CCNB2: variants seen among roughly 807,000 people sequenced by gnomAD.
The protein encoded by CCNB2 is G2/mitotic-specific cyclin-B2.
Under a neutral mutation model 51.1 loss-of-function variants are expected in CCNB2, and 39 were observed. That is an observed-to-expected ratio of 0.76 (90% CI 0.59 to 1.00). CCNB2 has a LOEUF of 1.00. Ranked by LOEUF, CCNB2 falls within the 50% of genes least tolerant of loss-of-function variation. The pLI, the probability that CCNB2 is intolerant of heterozygous loss-of-function variation, is 0.00. For synonymous variants in CCNB2, 174 were observed against 165.5 expected, an observed-to-expected ratio of 1.05 and a Z score of -0.40; for missense variants, 472 against 470.3, an observed-to-expected ratio of 1.00 and a Z score of -0.03.
intron 6 of CCNB2, 108 bp from the exon 7 acceptor site, chr15:59,117,120 G>C: frequency 1.7e-6 from 2 of 1,179,532 alleles, no homozygotes; most frequent in Non-Finnish European, 2.5e-6. Flanking sequence ...TAATTCTTGA[G>C]AAGGATAAGT....
In CCNB2 at chr15:59,105,155, C is replaced by T. The variant is rs1302378401; in HGVS notation, c.-114C>T. On this transcript the variant is annotated 5_prime_UTR_variant, in exon 1 of 9. Transcript: ENST00000288207. The stretch of plus-strand genomic sequence containing the variant: ...ACAAGGCTACAGCGTCGAAGATCCC[C>T]AGCGCTGCGGGCTCGGAGAGCAGTC... 6.1e-6 allele frequency: 6 copies of T among 987,058 alleles called. No individual in the cohort carries two copies. The African/African-American group carries it at 6.5e-5, about 11-fold the overall frequency. 61.1% of individuals were successfully genotyped at this position (987,058 alleles called of 1,614,324 possible).
chr15:59,112,216 C>T (rs1037803981), intron 3 of CCNB2, among the ~76,000 whole-genome samples: 12 of 152,032 alleles, frequency 7.9e-5, no homozygotes, highest in Admixed American at 2.6e-4. Flanking sequence ...CCTGGTTCTT[C>T]CTCAGTTTAA....
In CCNB2 at chr15:59,105,153, C is replaced by G; in HGVS notation, c.-116C>G. 3.1e-6 allele frequency: 3 copies of G among 966,462 alleles called. No homozygotes were observed. In the South Asian group the frequency reaches 4.8e-5, roughly 15 times the overall value. 59.9% of individuals were successfully genotyped at this position (966,462 alleles called of 1,614,324 possible). ...GAACAAGGCTACAGCGTCGAAGATC[C>G]CCAGCGCTGCGGGCTCGGAGAGCAG... is the stretch of plus-strand genomic sequence containing the variant. On this transcript the variant is annotated 5_prime_UTR_variant, in exon 1 of 9. Coordinates refer to ENST00000288207, the MANE Select transcript of CCNB2 (RefSeq NM_004701.4).
Position 59,107,405 on chromosome 15 carries a change from A to T in CCNB2, c.108A>T (p.Glu36Asp), listed in dbSNP as rs2079240170. 1 of 1,613,998 alleles carries T rather than the reference A, an allele frequency of 6.2e-7. No individual in the cohort carries two copies. The highest frequency in any genetic ancestry group is 8.5e-7 in the Non-Finnish European group (1 of 1,180,032). ...TGACTATTAGGCGAACTGTTTTAGA[A>T]GAAATTGGAAATAGAGTTACAACCA... is the stretch of plus-strand genomic sequence containing the variant. ...SHVTIRRTVL[E>D]EIGNRVTTRA... Residue 36 changes from glutamate to aspartate, a missense_variant, in exon 2 of 9, where the codon GAA becomes GAT. By Grantham distance (45) the Glu-to-Asp change is conservative. Transcript: ENST00000288207.
At chr15:59,108,852 A>C (rs192246056) in intron 3 of CCNB2, among the ~76,000 whole-genome samples, 178 of 152,316 alleles carry the variant, frequency 1.2e-3, no homozygotes, top group Middle Eastern at 6.8e-3. Flanking sequence ...ATGAGAACTA[A>C]AGCTTAGAAA....
intron 5 of CCNB2, among the ~76,000 whole-genome samples, chr15:59,116,375 T>C (rs774843319): frequency 6.6e-5 from 10 of 152,330 alleles, no homozygotes; most frequent in Non-Finnish European, 1.0e-4. Flanking sequence ...TTCTTGGCAA[T>C]TGAATGATCT....
At chr15:59,117,455 C>G in intron 7 of CCNB2, 87 bp downstream of exon 7, 5 of 1,350,212 alleles carry the variant, frequency 3.7e-6, no homozygotes, top group Middle Eastern at 2.3e-4. Flanking sequence ...ACAACACTAT[C>G]CTTGAAGCAG....
rs949452477 is a variant in CCNB2 at position 59,115,059 on chromosome 15, G to C, written c.597+183G>C. Among the ~76,000 whole-genome samples, 37 of 152,316 alleles carry C rather than the reference G, an allele frequency of 2.4e-4. 1 individual carries two copies. The highest frequency in any genetic ancestry group is 1.7e-3 in the Admixed American group (26 of 15,300). Reference sequence around the variant, plus strand: ...AGTGTGTCAAGCCTTTGATGATGCGGACCAATAATGGGCATTTCTGTAAGG... The same window carrying C: ...AGTGTGTCAAGCCTTTGATGATGCGCACCAATAATGGGCATTTCTGTAAGG... On this transcript the variant is annotated intron_variant, in intron 5 of 8. Coordinates refer to ENST00000288207, the MANE Select transcript of CCNB2 (RefSeq NM_004701.4).
chr15:59,110,075 AAAG>A (rs1440672062), intron 3 of CCNB2, among the ~76,000 whole-genome samples: 1 of 152,184 alleles, frequency 6.6e-6, no homozygotes, highest in Non-Finnish European at 1.5e-5. Flanking sequence ...GAGAAGAAGA[AAAG>A]AAGGCTTTTT....
chr15:59,118,334 C>G (rs1372617244), intron 7 of CCNB2, among the ~76,000 whole-genome samples: 1 of 152,192 alleles, frequency 6.6e-6, no homozygotes, highest in East Asian at 1.9e-4. Flanking sequence ...AAACAGTCTT[C>G]TAGTCTGCAG....
Position 59,107,592 on chromosome 15 carries a change from C to G in CCNB2, c.189C>G (p.Thr63=). 6.2e-7 allele frequency: 1 copy of G among 1,614,124 alleles called. No individual in the cohort carries two copies. Among genetic ancestry groups the G allele is most frequent in the East Asian group, 2.2e-5 (1 of 44,878 alleles). ...AQNTKVPVQP[T]KTTNVNKQLK... Reference sequence around the variant, plus strand: ...ACACCAAAGTTCCAGTTCAACCCACCAAAACAACAAATGTCAACAAACAAC... The same window carrying G: ...ACACCAAAGTTCCAGTTCAACCCACGAAAACAACAAATGTCAACAAACAAC... Residue 63 remains threonine, a synonymous_variant, in exon 3 of 9, where the codon ACC becomes ACG. Coordinates refer to ENST00000288207, the MANE Select transcript of CCNB2 (RefSeq NM_004701.4).
intron 1 of CCNB2, 145 bp from the exon 2 acceptor site, chr15:59,107,177 A>G: frequency 1.4e-6 from 1 of 694,536 alleles, no homozygotes; most frequent in Admixed American, 3.1e-5. Context: ...GCATTTTTAG[A>G]CTTCCTGAAA....
At chr15:59,118,807 G>T (rs1490355054) in intron 7 of CCNB2, among the ~76,000 whole-genome samples, 1 of 152,240 alleles carries the variant, frequency 6.6e-6, no homozygotes, top group African/African-American at 2.4e-5. Flanking sequence ...TTTTCAGGAG[G>T]ATCACAAAGC....
intron 7 of CCNB2, among the ~76,000 whole-genome samples, chr15:59,120,224 T>G (rs1456126014): frequency 6.6e-6 from 1 of 152,164 alleles, no homozygotes; most frequent in Non-Finnish European, 1.5e-5. Flanking sequence ...TAGGGCTGTT[T>G]AGTGAAATTG....
chr15:59,105,413 A>G (rs1371659291), intron 1 of CCNB2, 121 bp downstream of exon 1: 7 of 1,115,894 alleles, frequency 6.3e-6, no homozygotes, highest in East Asian at 2.7e-5. Flanking sequence ...TCTTCTCCGG[A>G]GCTCACTGCT....
intron 7 of CCNB2, among the ~76,000 whole-genome samples, chr15:59,123,057 C>T (rs2079309837): frequency 6.6e-6 from 1 of 152,094 alleles, no homozygotes; most frequent in Non-Finnish European, 1.5e-5. Context: ...CAGTTTATTT[C>T]TTATTTCCGA....
At chr15:59,121,857 G>A (rs1207971360) in intron 7 of CCNB2, among the ~76,000 whole-genome samples, 1 of 147,856 alleles carries the variant, frequency 6.8e-6, no homozygotes, top group Non-Finnish European at 1.5e-5. Flanking sequence ...GCCTAAACCC[G>A]GAAGGTAGAC....
Position 59,107,350 on chromosome 15 carries a change from C to G in CCNB2, c.53C>G (p.Thr18Arg), listed in dbSNP as rs768589001. 2 of 1,600,754 alleles carry G rather than the reference C, an allele frequency of 1.2e-6. No homozygotes were observed. Among genetic ancestry groups the G allele is most frequent in the South Asian group, 2.2e-5 (2 of 90,424 alleles). ...TCCAGTGATTTGGAGAATATTGACA[C>G]AGGAGTTAATTCTAAAGTTAAGAGT... Reference protein sequence around the residue: ...TVSSDLENIDTGVNSKVKSHV... With the variant: ...TVSSDLENIDRGVNSKVKSHV... Residue 18 changes from threonine (T) to arginine (R), a missense_variant, in exon 2 of 9, where the codon ACA (threonine) becomes AGA (arginine). Transcript: ENST00000288207.
intron 1 of CCNB2, among the ~76,000 whole-genome samples, chr15:59,106,752 C>A (rs565640088): frequency 6.6e-6 from 1 of 152,224 alleles, no homozygotes; most frequent in East Asian, 1.9e-4. Context: ...TCTATGGCAA[C>A]CTCATTTTAA....
Sources: allele counts gnomAD v4.1 joint callset (sites outside exome capture counted in the v4.1 genomes callset), GRCh38; gene constraint gnomAD v4.1.1; transcripts MANE v1.5; gene names NCBI Gene and HGNC (gene_info 2026-07-23, HGNC 2026-07-21).